RAB3GAP2: variants seen among roughly 807,000 people sequenced by gnomAD.
The protein encoded by RAB3GAP2 is RAB3 GTPase activating non-catalytic protein subunit 2, also known as rab3 GTPase-activating protein non-catalytic subunit.
In RAB3GAP2, 87 loss-of-function variants were observed where a neutral mutation model predicts 185.3. That is an observed-to-expected ratio of 0.47 (90% CI 0.39 to 0.56). The LOEUF is 0.56. Among genes scored for constraint, RAB3GAP2 ranks in the 20% least tolerant of loss-of-function variants. RAB3GAP2 has a pLI of 0.00. For synonymous variants in RAB3GAP2, 554 were observed against 576.1 expected, an observed-to-expected ratio of 0.96 and a Z score of 0.55; for missense variants, 1,492 against 1,638.2, an observed-to-expected ratio of 0.91 and a Z score of 1.54.
At chr1:220,216,087 T>C (rs1659196575) in intron 2 of RAB3GAP2, among the ~76,000 whole-genome samples, 1 of 152,112 alleles carries the variant, frequency 6.6e-6, no homozygotes, top group African/African-American at 2.4e-5. Context: ...AGGGAATCTT[T>C]AGAAATACCC....
chr1:220,202,681 G>A (rs1330271784), intron 8 of RAB3GAP2, among the ~76,000 whole-genome samples: 1 of 152,180 alleles, frequency 6.6e-6, no homozygotes, highest in South Asian at 2.1e-4. Context: ...GGTGGCTCAT[G>A]CCTGTAATCC....
At chr1:220,241,990 T>C (rs775927586) in intron 1 of RAB3GAP2, among the ~76,000 whole-genome samples, 2 of 152,118 alleles carry the variant, frequency 1.3e-5, no homozygotes, top group Non-Finnish European at 2.9e-5. Context: ...TTCTGCATGT[T>C]CTAGAGAAAC....
intron 31 of RAB3GAP2, 49 bp from the exon 32 acceptor site, chr1:220,154,106 G>C (rs763444408): frequency 1.9e-6 from 3 of 1,604,956 alleles, no homozygotes; most frequent in Admixed American, 3.4e-5. Flanking sequence ...TTATTAAGGG[G>C]GGAGAGGGAG....
At chr1:220,270,976 T>C (rs925197086) in intron 1 of RAB3GAP2, among the ~76,000 whole-genome samples, 4 of 152,204 alleles carry the variant, frequency 2.6e-5, no homozygotes, top group African/African-American at 9.6e-5. Context: ...TACCATGCCA[T>C]TTCAGGCCTC....
At chr1:220,210,682 A>G (rs1474698448) in intron 6 of RAB3GAP2, 119 bp downstream of exon 6, 17 of 1,170,204 alleles carry the variant, frequency 1.5e-5, no homozygotes, top group African/African-American at 9.2e-5. Flanking sequence ...CTACCCCCAT[A>G]AAGAATCAAC....
chr1:220,203,147 T>C (rs931686178), intron 8 of RAB3GAP2, among the ~76,000 whole-genome samples: 1 of 152,174 alleles, frequency 6.6e-6, no homozygotes, highest in Non-Finnish European at 1.5e-5. Context: ...GAGGCCAGAC[T>C]TGATAGAAAG....
intron 2 of RAB3GAP2, among the ~76,000 whole-genome samples, chr1:220,228,555 G>C (rs996819074): frequency 1.3e-5 from 2 of 152,138 alleles, no homozygotes; most frequent in African/African-American, 4.8e-5. Context: ...CTTTAGCAAA[G>C]ATGTCTTTTA....
Position 220,153,248 on chromosome 1 carries a change from A to G in RAB3GAP2, c.3804T>C (p.Asp1268=), listed in dbSNP as rs748424129. 2 of 1,614,176 alleles carry G rather than the reference A, an allele frequency of 1.2e-6. No individual in the cohort carries two copies. Among genetic ancestry groups the G allele is most frequent in the Non-Finnish European group, 1.7e-6 (2 of 1,180,004 alleles). Residue 1268 remains aspartate (D), a synonymous_variant, in exon 33 of 35, where the codon GAT becomes GAC. Transcript: ENST00000358951. ...DLAHHLQVSE[D]VVRRHYVGEL... is the part of the protein sequence containing the mutation. ...CCCCCACATAATGCCTTCTAACAACATCTTCACTAACTTGAAGGTGATGGG... is the reference window on the plus strand; with the variant it reads ...CCCCCACATAATGCCTTCTAACAACGTCTTCACTAACTTGAAGGTGATGGG...
intron 3 of RAB3GAP2, 75 bp from the exon 4 acceptor site, chr1:220,213,043 T>G: frequency 8.7e-7 from 1 of 1,147,868 alleles, no homozygotes; most frequent in Non-Finnish European, 1.2e-6. Flanking sequence ...AATTTTGCTC[T>G]TTCCCCTTAG....
At chr1:220,154,375 T>C (rs1168642253) in intron 31 of RAB3GAP2, 1 of 288,538 alleles carries the variant, frequency 3.5e-6, no homozygotes, top group Non-Finnish European at 6.6e-6. Flanking sequence ...TCCAAAAGAC[T>C]GCTTCTTCTG....
intron 22 of RAB3GAP2, 99 bp from the exon 23 acceptor site, chr1:220,172,148 C>G: frequency 8.3e-7 from 1 of 1,199,178 alleles, no homozygotes; most frequent in Non-Finnish European, 1.2e-6. Flanking sequence ...AAGTTACCTA[C>G]TGATGTGTTT....
intron 10 of RAB3GAP2, among the ~76,000 whole-genome samples, 170 bp from the exon 11 acceptor site, chr1:220,195,547 A>G (rs1387200664): frequency 1.3e-5 from 2 of 152,218 alleles, no homozygotes; most frequent in African/African-American, 4.8e-5. Flanking sequence ...AATATGAGAA[A>G]AAGTTTTAAC....
At chr1:220,206,887 A>C (rs1451454119) in intron 7 of RAB3GAP2, among the ~76,000 whole-genome samples, 1 of 152,142 alleles carries the variant, frequency 6.6e-6, no homozygotes, top group Admixed American at 6.5e-5. Context: ...AACAACATAC[A>C]TATTCTCTTG....
chr1:220,169,476 A>T (rs1658135496), intron 24 of RAB3GAP2, among the ~76,000 whole-genome samples: 1 of 152,202 alleles, frequency 6.6e-6, no homozygotes, highest in Non-Finnish European at 1.5e-5. Flanking sequence ...CCTGGAGGAG[A>T]AGCATTTGAG....
Position 220,157,859 on chromosome 1 carries a change from G to A in RAB3GAP2, c.3279C>T (p.Asp1093=). Residue 1093 remains aspartate, a synonymous_variant, in exon 30 of 35, where the codon GAC becomes GAT. Coordinates refer to ENST00000358951, the MANE Select transcript of RAB3GAP2 (RefSeq NM_012414.4). ...RLCRRDVGMS[D]TAMTSFLGSC... is the part of the protein sequence containing the mutation. ...AGCCGAGGAAAGATGTCATTGCTGT[G>A]TCACTCATTCCCACATCCTGTTTTT... 1 of 1,613,482 alleles carries A rather than the reference G, an allele frequency of 6.2e-7. No individual in the cohort carries two copies. Among genetic ancestry groups the A allele is most frequent in the Non-Finnish European group, 8.5e-7 (1 of 1,179,504 alleles).
At chr1:220,252,472 A>T (rs181956793) in intron 1 of RAB3GAP2, among the ~76,000 whole-genome samples, 2 of 152,338 alleles carry the variant, frequency 1.3e-5, no homozygotes. Context: ...AAGTGAATTC[A>T]GAACCTTCAA....
chr1:220,197,237 C>A (rs1218649368), intron 9 of RAB3GAP2, among the ~76,000 whole-genome samples: 5 of 152,164 alleles, frequency 3.3e-5, no homozygotes, highest in African/African-American at 4.8e-5. Flanking sequence ...ATCCTCCAGC[C>A]TCAGCCTCCC....
intron 28 of RAB3GAP2, among the ~76,000 whole-genome samples, 174 bp from the exon 29 acceptor site, chr1:220,159,595 G>A (rs1657926744): frequency 6.6e-6 from 1 of 152,092 alleles, no homozygotes; most frequent in Admixed American, 6.5e-5. Context: ...CAATTAAATT[G>A]GTGGTGAAAC....
At chr1:220,233,215 A>G (rs1292319459) in intron 1 of RAB3GAP2, among the ~76,000 whole-genome samples, 1 of 152,150 alleles carries the variant, frequency 6.6e-6, no homozygotes, top group Admixed American at 6.5e-5. Flanking sequence ...TTTATTACTC[A>G]AGATACTGGA....
Sources: gnomAD v4.1 joint callset for allele counts (sites outside exome capture counted in the v4.1 genomes callset) on GRCh38, gnomAD v4.1.1 for gene constraint, MANE v1.5 for transcripts, NCBI Gene and HGNC (gene_info 2026-07-23, HGNC 2026-07-21) for gene names.